Variants in MEIS2 observed in about 807,000 individuals in gnomAD.
MEIS2 encodes the protein homeobox protein Meis2.
In MEIS2, 9 loss-of-function variants were observed where a neutral mutation model predicts 58.6. The ratio of observed to expected loss-of-function variants is 0.15; its 90% confidence interval spans 0.09 to 0.27. The LOEUF is 0.27. Ranked by LOEUF, MEIS2 falls within the 10% of genes least tolerant of loss-of-function variation. The pLI is 1.00. For synonymous variants in MEIS2, 221 were observed against 228.4 expected (o/e 0.97, Z 0.29); for missense variants, 427 against 635.0 (o/e 0.67, Z 3.52).
intron 7 of MEIS2, among the ~76,000 whole-genome samples, chr15:37,050,262 C>T (rs778598908): frequency 7.2e-5 from 11 of 152,158 alleles, no homozygotes; most frequent in Non-Finnish European, 1.2e-4. Context: ...TCCTTCAAGT[C>T]AAAAACCATA....
At chr15:37,007,561 T>G (rs562216369) in intron 8 of MEIS2, among the ~76,000 whole-genome samples, 1 of 152,254 alleles carries the variant, frequency 6.6e-6, no homozygotes, top group East Asian at 1.9e-4. Context: ...CACTGACTCT[T>G]GGAGTCCACC....
intron 9 of MEIS2, among the ~76,000 whole-genome samples, chr15:36,913,638 A>C (rs1448267039): frequency 1.3e-5 from 2 of 152,210 alleles, no homozygotes; most frequent in Non-Finnish European, 2.9e-5. Context: ...ATATGCCTAC[A>C]TGCACATACA....
At chr15:36,922,966 C>G (rs1464865425) in intron 9 of MEIS2, among the ~76,000 whole-genome samples, 1 of 152,090 alleles carries the variant, frequency 6.6e-6, no homozygotes, top group Non-Finnish European at 1.5e-5. Flanking sequence ...AGAAGAAAGT[C>G]TCCTGCCATG....
At chr15:37,085,127 T>C (rs184565156) in intron 6 of MEIS2, among the ~76,000 whole-genome samples, 37 of 152,212 alleles carry the variant, frequency 2.4e-4, no homozygotes, top group African/African-American at 7.7e-4. Flanking sequence ...ATACAAATTA[T>C]ACACCAATCA....
At chr15:36,936,887 A>T (rs2058195208) in intron 9 of MEIS2, among the ~76,000 whole-genome samples, 1 of 152,214 alleles carries the variant, frequency 6.6e-6, no homozygotes, top group African/African-American at 2.4e-5. Flanking sequence ...AAACTCATTA[A>T]AAAGCATTTG....
chr15:36,896,318 G>A (rs1021759398), intron 10 of MEIS2, among the ~76,000 whole-genome samples: 8 of 152,288 alleles, frequency 5.3e-5, no homozygotes, highest in African/African-American at 1.9e-4. Flanking sequence ...GTGTGCTAAT[G>A]ATTGGATGCA....
rs534636474 is a variant in MEIS2, at chr15:36,895,169, T to C, written c.1129A>G (p.Met377Val). The C allele has an allele frequency of 6.2e-7, 1 of 1,614,060 alleles. No individual in the cohort carries two copies. ...AACCTACCTGCAGGCCGGATCCCCA[T>C]GTGTTGCTGACCATCCAACACAAAG... ...GSFVLDGQQH[M>V]GIRPAGLQSM... is the part of the protein sequence containing the mutation. Residue 377 changes from methionine (M) to valine (V), a missense_variant, in exon 11 of 12, where the codon ATG becomes GTG. Met to Val is a conservative substitution (Grantham distance 21). This residue lies in a region of MEIS2 where 154 missense variants were observed against 148.1 expected (regional missense o/e 1.04). Transcript: ENST00000561208.
At chr15:36,910,548 AC>A (rs2056961038) in intron 9 of MEIS2, among the ~76,000 whole-genome samples, 1 of 152,200 alleles carries the variant, frequency 6.6e-6, no homozygotes, top group South Asian at 2.1e-4. Flanking sequence ...CTAATTTTTA[AC>A]ATAAATTATA....
At chr15:37,027,151 A>G (rs566008228) in intron 8 of MEIS2, among the ~76,000 whole-genome samples, 17 of 152,290 alleles carry the variant, frequency 1.1e-4, no homozygotes, top group Admixed American at 1.1e-3. Flanking sequence ...CTAAGTCACT[A>G]TTTCTTAACA....
chr15:37,040,681 G>A (rs1188503630), intron 7 of MEIS2, among the ~76,000 whole-genome samples: 2 of 152,190 alleles, frequency 1.3e-5, no homozygotes, highest in African/African-American at 2.4e-5. Flanking sequence ...CATAGTCTAA[G>A]TTTTGGGTAA....
At chr15:37,076,068 C>G (rs925836987) in intron 7 of MEIS2, among the ~76,000 whole-genome samples, 4 of 151,784 alleles carry the variant, frequency 2.6e-5, no homozygotes, top group African/African-American at 7.3e-5. Flanking sequence ...TCAAGACTAC[C>G]GAGGGATAAA....
Position 37,099,699 on chromosome 15 carries a change from C to T in MEIS2, c.-233G>A, listed in dbSNP as rs541846176. 38 of 500,966 alleles carry T rather than the reference C, an allele frequency of 7.6e-5. No homozygotes were observed. The highest frequency in any genetic ancestry group is 1.8e-4 in the Admixed American group (5 of 27,436). The allele number at this position is 500,966 out of a possible 1,614,324, so 31.0% of individuals were successfully genotyped here. A position where few individuals can be genotyped will look rare whatever the true frequency, so the allele number is the denominator to read the frequency against. On this transcript the variant is annotated 5_prime_UTR_variant, in exon 1 of 12. Transcript: ENST00000561208. ...CTCTTTTTTCCTCTTCTTCCTCCTC[C>T]TCCTGATCTTCCTCCTCCTCCTCCA...
intron 8 of MEIS2, among the ~76,000 whole-genome samples, chr15:37,033,835 C>T (rs549954641): frequency 6.6e-6 from 1 of 152,256 alleles, no homozygotes; most frequent in South Asian, 2.1e-4. Flanking sequence ...GTAAATCTTT[C>T]AGCTCATTAA....
At chr15:36,905,705 C>G (rs964815608) in intron 9 of MEIS2, among the ~76,000 whole-genome samples, 2 of 152,150 alleles carry the variant, frequency 1.3e-5, no homozygotes, top group African/African-American at 4.8e-5. Flanking sequence ...GTAAATCTTC[C>G]ATATTCTATA....
intron 8 of MEIS2, among the ~76,000 whole-genome samples, chr15:36,964,337 G>C (rs1392078425): frequency 6.6e-6 from 1 of 152,192 alleles, no homozygotes; most frequent in African/African-American, 2.4e-5. Flanking sequence ...TTTTGTAAGG[G>C]AATGAATATT....
chr15:36,996,504 G>A (rs2060526378), intron 8 of MEIS2, among the ~76,000 whole-genome samples: 1 of 152,160 alleles, frequency 6.6e-6, no homozygotes. Flanking sequence ...AATTTCTGCT[G>A]CTGTATATTG....
At position 36,892,271 on chromosome 15, in the gene MEIS2, T is replaced by G. The variant is rs2055902447; in HGVS notation, c.1336A>C (p.Thr446Pro). The G allele has an allele frequency of 6.2e-7, 1 of 1,613,792 alleles. No individual in the cohort carries two copies. Among genetic ancestry groups the G allele is most frequent in the African/African-American group, 1.3e-5 (1 of 74,838 alleles). Reference sequence around the variant, plus strand: ...GCTGACATAGTCATTCCAGGGTGGGTAGGGGGTCCTCCGTGCATCATCATG... The same window carrying G: ...GCTGACATAGTCATTCCAGGGTGGGGAGGGGGTCCTCCGTGCATCATCATG... ...PAMMMHGGPP[T>P]HPGMTMSAQS... Residue 446 changes from threonine to proline, a missense_variant, in exon 12 of 12, where the codon ACC (threonine) becomes CCC (proline). Physicochemically the swap from Thr to Pro is conservative, Grantham distance 38 (BLOSUM62 -1). Transcript: ENST00000561208.
At chr15:36,918,181 T>G (rs1326800111) in intron 9 of MEIS2, among the ~76,000 whole-genome samples, 1 of 152,216 alleles carries the variant, frequency 6.6e-6, no homozygotes, top group Non-Finnish European at 1.5e-5. Flanking sequence ...TCTCTGAATT[T>G]AATTAAAGAA....
At chr15:37,061,536 G>A (rs370552089) in intron 7 of MEIS2, among the ~76,000 whole-genome samples, 3 of 152,206 alleles carry the variant, frequency 2.0e-5, no homozygotes, top group Admixed American at 6.5e-5. Flanking sequence ...AGAGGTAGCC[G>A]CACTAAAAAT....
Sources: gnomAD v4.1 joint callset for allele counts (sites outside exome capture counted in the v4.1 genomes callset) on GRCh38, gnomAD v4.1.1 for gene constraint, gnomAD v4.1.1 regional missense constraint, MANE v1.5 for transcripts, NCBI Gene and HGNC (gene_info 2026-07-23, HGNC 2026-07-21) for gene names.